Variants in CNBD1 observed in about 807,000 individuals in gnomAD.
CNBD1 encodes cyclic nucleotide-binding domain-containing protein 1.
Under a neutral mutation model 54.4 loss-of-function variants are expected in CNBD1, and 71 were observed. The observed-to-expected ratio is 1.30, with a 90% CI of 1.08 to 1.59. The LOEUF (loss-of-function observed/expected upper bound fraction) is 1.59, where lower values mean the gene tolerates loss of function less well. Among genes scored for constraint, CNBD1 ranks in the 40% most tolerant of loss-of-function variants. The probability of loss-of-function intolerance (pLI) is 0.00; values close to 1 mark genes in which losing one functional copy is unlikely to be tolerated. For synonymous variants in CNBD1, 182 were observed against 170.7 expected, an observed-to-expected ratio of 1.07 and a Z score of -0.51; for missense variants, 659 against 518.0, an observed-to-expected ratio of 1.27 and a Z score of -2.64.
chr8:87,147,048 A>G (rs111915320), intron 4 of CNBD1, among the ~76,000 whole-genome samples: 3,360 of 152,132 alleles, frequency 0.022, 117 homozygotes, highest in African/African-American at 0.073. Context: ...CATCACCACC[A>G]TGCCATCAGT....
At chr8:87,045,758 C>A (rs1374685456) in intron 4 of CNBD1, among the ~76,000 whole-genome samples, 1 of 145,100 alleles carries the variant, frequency 6.9e-6, no homozygotes. Context: ...TACACATGTG[C>A]CGGCCAGGCA....
chr8:87,392,539 A>G (rs1811329230), intron 2 of CNBD1, among the ~76,000 whole-genome samples: 1 of 152,054 alleles, frequency 6.6e-6, no homozygotes, highest in African/African-American at 2.4e-5. Context: ...TTGCTAAGTG[A>G]AAGAAGTTAG....
chr8:87,026,296 C>T (rs1396951330), intron 4 of CNBD1, among the ~76,000 whole-genome samples: 1 of 150,808 alleles, frequency 6.6e-6, no homozygotes, highest in Admixed American at 6.6e-5. Context: ...CTCTCCGTTT[C>T]TCCCCTTTTC....
At chr8:87,086,702 TTA>T (rs961151166) in intron 4 of CNBD1, among the ~76,000 whole-genome samples, 33 of 152,290 alleles carry the variant, frequency 2.2e-4, no homozygotes, top group African/African-American at 7.9e-4. Flanking sequence ...AAAATTTAAA[TTA>T]TGTGATTATT....
chr8:87,424,823 A>G (rs1808016372), intron 2 of CNBD1, among the ~76,000 whole-genome samples: 3 of 152,074 alleles, frequency 2.0e-5, no homozygotes, highest in African/African-American at 7.2e-5. Context: ...CTCCAGGAGT[A>G]TCTTTGTGGC....
Position 87,288,278 on chromosome 8 carries a change from T to C in CNBD1, c.1042+1607T>C, listed in dbSNP as rs1381173154. On this transcript the variant is annotated intron_variant, in intron 8 of 10. Transcript: ENST00000518476. ...TATTTGCTATTTTTCATGGTTGCTT[T>C]ATTTTTTATGGTTGTTTTGGATTTG... 3.9e-5 allele frequency among the ~76,000 whole-genome samples: 6 copies of C among 152,188 alleles called. No homozygotes were observed. The East Asian group carries it at 1.2e-3, about 29-fold the overall frequency.
At chr8:87,398,170 G>T (rs1461323591) in intron 2 of CNBD1, among the ~76,000 whole-genome samples, 2 of 114,990 alleles carry the variant, frequency 1.7e-5, no homozygotes, top group Non-Finnish European at 3.6e-5. Flanking sequence ...CTTTTTGCAA[G>T]GGTTCTCATG....
At chr8:86,938,109 GC>G (rs148229554) in intron 3 of CNBD1, among the ~76,000 whole-genome samples, 2,029 of 152,262 alleles carry the variant, frequency 0.013, 40 homozygotes, top group African/African-American at 0.047. Flanking sequence ...AGTTCAAAGT[GC>G]TATAGATCTC....
chr8:87,030,032 C>T (rs1176746749), intron 4 of CNBD1, among the ~76,000 whole-genome samples: 1 of 152,106 alleles, frequency 6.6e-6, no homozygotes, highest in African/African-American at 2.4e-5. Flanking sequence ...GTACTCTGTT[C>T]ATTGAATTTA....
intron 8 of CNBD1, among the ~76,000 whole-genome samples, chr8:87,300,332 A>G (rs908708369): frequency 2.6e-5 from 4 of 152,162 alleles, no homozygotes; most frequent in Non-Finnish European, 4.4e-5. Flanking sequence ...TTATATCTCG[A>G]TCAATAAGTA....
intron 4 of CNBD1, among the ~76,000 whole-genome samples, chr8:86,944,717 C>T (rs1175272934): frequency 6.6e-6 from 1 of 152,144 alleles, no homozygotes; most frequent in Non-Finnish European, 1.5e-5. Context: ...ACCAGATTAT[C>T]ATTTAGGGTC....
At chr8:87,314,340 C>T (rs759618309) in intron 8 of CNBD1, among the ~76,000 whole-genome samples, 1 of 151,722 alleles carries the variant, frequency 6.6e-6, no homozygotes, top group Non-Finnish European at 1.5e-5. Context: ...CCATTTTTCA[C>T]TTAAATATAA....
intron 4 of CNBD1, among the ~76,000 whole-genome samples, chr8:86,946,605 T>C (rs1459514900): frequency 6.6e-6 from 1 of 152,182 alleles, no homozygotes; most frequent in Non-Finnish European, 1.5e-5. Flanking sequence ...TTCTTTCTTA[T>C]TAATACTAGG....
At chr8:87,021,698 A>G (rs1006563286) in intron 4 of CNBD1, among the ~76,000 whole-genome samples, 1 of 152,216 alleles carries the variant, frequency 6.6e-6, no homozygotes, top group Non-Finnish European at 1.5e-5. Context: ...TTATACTTCA[A>G]AGTGCACAGG....
intron 4 of CNBD1, among the ~76,000 whole-genome samples, chr8:87,137,540 G>C (rs1439818096): frequency 6.6e-6 from 1 of 151,966 alleles, no homozygotes; most frequent in Non-Finnish European, 1.5e-5. Context: ...CTTATAACAC[G>C]TTATAAACAC....
intron 4 of CNBD1, among the ~76,000 whole-genome samples, chr8:87,203,555 C>G (rs891583003): frequency 6.6e-6 from 1 of 152,062 alleles, no homozygotes; most frequent in Non-Finnish European, 1.5e-5. Flanking sequence ...TAGAAGGAAC[C>G]CATTTTTGAA....
chr8:87,280,470 A>G (rs1808578104), intron 6 of CNBD1, among the ~76,000 whole-genome samples: 1 of 151,546 alleles, frequency 6.6e-6, no homozygotes. Flanking sequence ...TGAGTGCCTG[A>G]TCTTTGTGTT....
chr8:87,101,236 A>G (rs570891919), intron 4 of CNBD1, among the ~76,000 whole-genome samples: 37 of 152,328 alleles, frequency 2.4e-4, no homozygotes, highest in African/African-American at 8.9e-4. Context: ...TGTAAGTAGT[A>G]GACAAGGCCT....
At chr8:87,240,504 C>A (rs1165802970) in intron 6 of CNBD1, among the ~76,000 whole-genome samples, 1 of 152,152 alleles carries the variant, frequency 6.6e-6, no homozygotes, top group Non-Finnish European at 1.5e-5. Context: ...AATAACCTCA[C>A]TCTTTTTGGT....
Sources: gnomAD v4.1 joint callset for allele counts (sites outside exome capture counted in the v4.1 genomes callset) on GRCh38, gnomAD v4.1.1 for gene constraint, MANE v1.5 for transcripts, NCBI Gene and HGNC (gene_info 2026-07-23, HGNC 2026-07-21) for gene names.